Variants in SLC10A2 observed in about 807,000 individuals in gnomAD.
SLC10A2 encodes solute carrier family 10 member 2, also known as ileal sodium/bile acid cotransporter.
A neutral mutation model predicts 27.1 loss-of-function variants in SLC10A2; 34 were observed. The ratio of observed to expected loss-of-function variants is 1.26; its 90% CI spans 0.96 to 1.67. SLC10A2 has a LOEUF of 1.67. Among genes scored for constraint, SLC10A2 ranks in the 40% most tolerant of loss-of-function variants. The probability of loss-of-function intolerance (pLI) is 0.00; values close to 1 mark genes in which losing one functional copy is unlikely to be tolerated. For missense variants in SLC10A2, 530 were observed against 444.4 expected, an observed-to-expected ratio of 1.19 and a Z score of -1.73; for synonymous variants, 205 against 174.0, an observed-to-expected ratio of 1.18 and a Z score of -1.40.
intron 3 of SLC10A2, among the ~76,000 whole-genome samples, chr13:103,051,789 A>G (rs561024526): frequency 5.9e-5 from 9 of 152,318 alleles, no homozygotes; most frequent in African/African-American, 2.2e-4. Context: ...CCTTCAGTAA[A>G]TCAGGAACTT....
At chr13:103,060,331 G>A (rs1026190556) in intron 1 of SLC10A2, among the ~76,000 whole-genome samples, 21 of 151,640 alleles carry the variant, frequency 1.4e-4, no homozygotes, top group Non-Finnish European at 2.2e-4. Flanking sequence ...AATGGTGTCC[G>A]GCACTTAGAC....
chr13:103,053,309 G>A (rs1366686617), intron 2 of SLC10A2, among the ~76,000 whole-genome samples: 1 of 152,166 alleles, frequency 6.6e-6, no homozygotes, highest in Non-Finnish European at 1.5e-5. Flanking sequence ...CAGCAGAGAG[G>A]TGAGAACAAA....
chr13:103,058,306 A>G lies in SLC10A2; in HGVS notation c.454T>C (p.Trp152Arg), dbSNP rs771327385. The stretch of plus-strand genomic sequence containing the variant: ...ATTACGATGCTCCCAGAGTCGACCC[A>G]CATTTTGGTATAGATAAGGAGGCAC... ...PLCLLIYTKM[W>R]VDSGSIVIPY... Residue 152 changes from tryptophan to arginine, a missense_variant, in exon 2 of 6, where the codon TGG becomes CGG. Coordinates refer to ENST00000245312, the MANE Select transcript of SLC10A2 (RefSeq NM_000452.3). 8.1e-6 allele frequency: 13 copies of G among 1,613,506 alleles called. No individual in the cohort carries two copies. The highest frequency in any genetic ancestry group is 6.8e-6 in the Non-Finnish European group (8 of 1,179,476).
intron 1 of SLC10A2, among the ~76,000 whole-genome samples, chr13:103,059,980 G>A (rs182032573): frequency 4.4e-4 from 67 of 152,290 alleles, no homozygotes; most frequent in East Asian, 1.5e-3. Context: ...GTGTTCAGAA[G>A]AACTAGTGTC....
At chr13:103,060,686 G>A (rs551687193) in intron 1 of SLC10A2, among the ~76,000 whole-genome samples, 1 of 152,128 alleles carries the variant, frequency 6.6e-6, no homozygotes, top group East Asian at 1.9e-4. Flanking sequence ...TCTCTCTGCT[G>A]TGATCATTTA....
At chr13:103,062,672 A>G (rs9514092) in intron 1 of SLC10A2, among the ~76,000 whole-genome samples, 15,323 of 152,194 alleles carry the variant, frequency 0.1, 1,034 homozygotes, top group African/African-American at 0.18. Context: ...ACAGGGTGAG[A>G]TTTCTTGAAT....
chr13:103,052,490 A>G (rs1875814073), intron 3 of SLC10A2, 130 bp downstream of exon 3: 3 of 738,904 alleles, frequency 4.1e-6, no homozygotes, highest in South Asian at 1.4e-5. Flanking sequence ...AGAAGACTGC[A>G]TGGCTAATGA....
rs1875764118 is a variant in SLC10A2 at position 103,051,135 on chromosome 13, G to A, written c.761+122C>T. The A allele has an allele frequency of 2.3e-5, 21 of 926,830 alleles. No individual in the cohort carries two copies. The South Asian group carries it at 2.7e-4, about 12-fold the overall frequency. The allele number at this position is 926,830 out of a possible 1,614,324, so 57.4% of individuals were successfully genotyped here. On this transcript the variant is annotated intron_variant, in intron 4 of 5. Coordinates refer to ENST00000245312, the MANE Select transcript of SLC10A2 (RefSeq NM_000452.3). The stretch of plus-strand genomic sequence containing the variant: ...TCACTTCTAGTCTCTGAAACCATGA[G>A]ACAATAAGTGTCTGTTGTTTAAGCC...
At chr13:103,052,038 C>T (rs776340507) in intron 3 of SLC10A2, among the ~76,000 whole-genome samples, 12 of 152,150 alleles carry the variant, frequency 7.9e-5, no homozygotes, top group East Asian at 1.9e-4. Flanking sequence ...TACTTTGCCC[C>T]GAGCAGCAGA....
At position 103,066,167 on chromosome 13, in the gene SLC10A2, T is replaced by C; in HGVS notation, c.83A>G (p.Asn28Ser). Reference sequence around the variant, plus strand: ...CGTACTTAGGACCACACTTAGGATGTTATTGAAATTGCTCTCAGGTACCAC... The same window carrying C: ...CGTACTTAGGACCACACTTAGGATGCTATTGAAATTGCTCTCAGGTACCAC... Reference protein sequence around the residue: ...SCVVPESNFNNILSVVLSTVL... With the variant: ...SCVVPESNFNSILSVVLSTVL... Residue 28 changes from asparagine (N) to serine (S), a missense_variant, in exon 1 of 6, where the codon AAC becomes AGC. Transcript: ENST00000245312. The C allele has an allele frequency of 6.2e-7, 1 of 1,614,096 alleles. No homozygotes were observed. Among genetic ancestry groups the C allele is most frequent in the Non-Finnish European group, 8.5e-7 (1 of 1,179,972 alleles).
chr13:103,052,608 T>A lies in SLC10A2; in HGVS notation c.585+12A>T. 1 of 1,533,650 alleles carries A rather than the reference T, an allele frequency of 6.5e-7. No homozygotes were observed. The highest frequency in any genetic ancestry group is 1.4e-5 in the African/African-American group (1 of 73,294). The stretch of plus-strand genomic sequence containing the variant: ...CAGTGGAATATTTAATGGTGTGAAC[T>A]GGGATACTTACTTTAAGTATGATCT... On this transcript the variant is annotated intron_variant, in intron 3 of 5. Transcript: ENST00000245312.
At chr13:103,047,039 G>C (rs1875634424) in intron 5 of SLC10A2, among the ~76,000 whole-genome samples, 1 of 152,078 alleles carries the variant, frequency 6.6e-6, no homozygotes, top group Non-Finnish European at 1.5e-5. Flanking sequence ...TTCTCAATTG[G>C]TCACAAAGGC....
At chr13:103,053,611 T>C (rs1209209906) in intron 2 of SLC10A2, among the ~76,000 whole-genome samples, 2 of 152,228 alleles carry the variant, frequency 1.3e-5, no homozygotes, top group Non-Finnish European at 2.9e-5. Flanking sequence ...GAAAGTGATA[T>C]TGAACGGTGA....
rs746642134 is a variant in SLC10A2 at position 103,065,927 on chromosome 13, C to T, written c.323G>A (p.Gly108Glu). 1.2e-6 allele frequency: 2 copies of T among 1,614,174 alleles called. No homozygotes were observed. The highest frequency in any genetic ancestry group is 1.3e-5 in the African/African-American group (1 of 75,058). Residue 108 changes from glycine to glutamate, a missense_variant, in exon 1 of 6, where the codon GGA becomes GAA. Gly to Glu is a moderately conservative substitution (Grantham distance 98). Coordinates refer to ENST00000245312, the MANE Select transcript of SLC10A2 (RefSeq NM_000452.3). ...GGCCAAGATATTGGAGGCAGTTCCT[C>T]CAGGGCAGCATCCTATAATGAGCAC... ...VVVLIIGCCP[G>E]GTASNILAYW...
intron 2 of SLC10A2, among the ~76,000 whole-genome samples, chr13:103,057,282 A>C (rs1440500820): frequency 6.6e-6 from 1 of 152,180 alleles, no homozygotes; most frequent in African/African-American, 2.4e-5. Flanking sequence ...TTCCTGGTAT[A>C]CCAGGAACTC....
rs771891531 is a variant in SLC10A2 at position 103,046,279 on chromosome 13, ACAGT to A, written c.920-23_920-20del. ...ACATAAACTAGAAAACAATACACAG[ACAGT>A]TAAGTAAATTTTATAATAATAAACT... On this transcript the variant is annotated intron_variant, in intron 5 of 5. Transcript: ENST00000245312. 38 of 1,594,896 alleles carry A rather than the reference ACAGT, an allele frequency of 2.4e-5. No individual in the cohort carries two copies. The South Asian group carries it at 3.4e-4, about 14-fold the overall frequency.
intron 2 of SLC10A2, among the ~76,000 whole-genome samples, chr13:103,054,390 C>G (rs1307895994): frequency 2.6e-5 from 4 of 152,118 alleles, no homozygotes; most frequent in Non-Finnish European, 5.9e-5. Flanking sequence ...AATGAGAGAA[C>G]AGATGAATAC....
rs537423311 is a variant in SLC10A2, at chr13:103,048,307, C to T, written c.919+982G>A. Among the ~76,000 whole-genome samples the T allele has an allele frequency of 5.3e-5, 8 of 151,068 alleles. No homozygotes were observed. The South Asian group carries it at 1.3e-3, about 24-fold the overall frequency. ...TTGGGAGGCTGAGGTGGGAGAATGG[C>T]GTGAACCCAGGAGGCAGAGCTTGCA... On this transcript the variant is annotated intron_variant, in intron 5 of 5. Coordinates refer to ENST00000245312, the MANE Select transcript of SLC10A2 (RefSeq NM_000452.3).
intron 5 of SLC10A2, among the ~76,000 whole-genome samples, chr13:103,048,121 G>T (rs1409907011): frequency 6.6e-6 from 1 of 152,066 alleles, no homozygotes; most frequent in Non-Finnish European, 1.5e-5. Context: ...GAAAAGTAAA[G>T]CAAAACCATA....
Sources: gnomAD v4.1 joint callset for allele counts (sites outside exome capture counted in the v4.1 genomes callset) on GRCh38, gnomAD v4.1.1 for gene constraint, MANE v1.5 for transcripts, NCBI Gene and HGNC (gene_info 2026-07-23, HGNC 2026-07-21) for gene names.